LRRC7: variants seen among roughly 807,000 people sequenced by gnomAD.
LRRC7 encodes the protein leucine-rich repeat-containing protein 7.
In LRRC7, 23 loss-of-function variants were observed where a neutral mutation model predicts 175.7. The observed-to-expected ratio is 0.13, with a 90% CI of 0.09 to 0.19. LRRC7 has a LOEUF of 0.19. LRRC7 is among the 10% of genes least tolerant of loss of function. The pLI is 1.00. For missense variants in LRRC7, 1,354 were observed against 1,904.7 expected (o/e 0.71, Z 5.38); for synonymous variants, 685 against 680.9 (o/e 1.01, Z -0.09).
chr1:70,070,528 TTTATA>T (rs1662302522), intron 23 of LRRC7, among the ~76,000 whole-genome samples: 1 of 152,296 alleles, frequency 6.6e-6, no homozygotes, highest in South Asian at 2.1e-4. Context: ...CTTGGGCACT[TTTATA>T]TTATGTTATA....
At chr1:69,828,354 C>T (rs1469059929) in intron 5 of LRRC7, among the ~76,000 whole-genome samples, 1 of 152,136 alleles carries the variant, frequency 6.6e-6, no homozygotes, top group African/African-American at 2.4e-5. Flanking sequence ...TTCCAAATCA[C>T]TTTCCCAAAG....
intron 2 of LRRC7, among the ~76,000 whole-genome samples, chr1:69,679,333 C>T (rs1660186763): frequency 6.6e-6 from 1 of 151,990 alleles, no homozygotes; most frequent in Admixed American, 6.6e-5. Context: ...CTGAAGTATA[C>T]TGTTAAGTAG....
chr1:70,077,814 A>G (rs1194770870), intron 24 of LRRC7, among the ~76,000 whole-genome samples: 1 of 152,190 alleles, frequency 6.6e-6, no homozygotes, highest in African/African-American at 2.4e-5. Flanking sequence ...TTTCAGAAAA[A>G]ATGTATTTAT....
In LRRC7 at chr1:70,130,813, A is replaced by G. The variant is rs187372405; in HGVS notation, c.*8926A>G. ...GGAAGAATAAAAGATGTCATGAGAGAGACGAGGCTACGGAAGTGTAGTTGA... is the reference window on the plus strand; with the variant it reads ...GGAAGAATAAAAGATGTCATGAGAGGGACGAGGCTACGGAAGTGTAGTTGA... On this transcript the variant is annotated 3_prime_UTR_variant, in exon 27 of 27. Transcript: ENST00000651989. 6.6e-6 allele frequency among the ~76,000 whole-genome samples: 1 copy of G among 152,312 alleles called. No homozygotes were observed. The highest frequency in any genetic ancestry group is 1.5e-5 in the Non-Finnish European group (1 of 68,034).
intron 2 of LRRC7, among the ~76,000 whole-genome samples, chr1:69,713,513 G>A (rs1284004440): frequency 6.6e-6 from 1 of 151,788 alleles, no homozygotes; most frequent in East Asian, 1.9e-4. Context: ...AACAGAAAGA[G>A]CTTATTTTAC....
intron 4 of LRRC7, among the ~76,000 whole-genome samples, chr1:69,813,176 G>A (rs905872540): frequency 2.0e-5 from 3 of 151,984 alleles, no homozygotes; most frequent in Admixed American, 2.0e-4. Context: ...CTCTTTATAT[G>A]GTTCAAATTC....
chr1:69,752,145 T>C (rs1183254183), intron 2 of LRRC7, among the ~76,000 whole-genome samples: 1 of 152,154 alleles, frequency 6.6e-6, no homozygotes, highest in African/African-American at 2.4e-5. Flanking sequence ...ATGTATATTC[T>C]CTTGATAAAG....
At chr1:69,855,068 A>T (rs572286495) in intron 7 of LRRC7, among the ~76,000 whole-genome samples, 1 of 152,150 alleles carries the variant, frequency 6.6e-6, no homozygotes, top group Non-Finnish European at 1.5e-5. Context: ...TTTTCTTTAC[A>T]TGGTTGATGC....
At chr1:69,681,610 G>GT (rs1660501578) in intron 2 of LRRC7, among the ~76,000 whole-genome samples, 1 of 152,068 alleles carries the variant, frequency 6.6e-6, no homozygotes, top group South Asian at 2.1e-4. Context: ...TTTTAAACAT[G>GT]TTTAAGGTAT....
chr1:69,910,940 T>C (rs1480868388), intron 7 of LRRC7, among the ~76,000 whole-genome samples: 2 of 152,208 alleles, frequency 1.3e-5, no homozygotes. Flanking sequence ...GCCTTGCAGT[T>C]TGATCTCAGA....
intron 7 of LRRC7, among the ~76,000 whole-genome samples, chr1:69,921,913 C>T (rs963903384): frequency 6.6e-6 from 1 of 151,522 alleles, no homozygotes; most frequent in African/African-American, 2.4e-5. Flanking sequence ...TCAATTCTTA[C>T]ATTCATTCTG....
chr1:69,586,287 TA>T (rs1646400556), intron 1 of LRRC7, among the ~76,000 whole-genome samples: 1 of 152,216 alleles, frequency 6.6e-6, no homozygotes, highest in African/African-American at 2.4e-5. Context: ...TCTGTCAGAC[TA>T]ATCTTTGTAA....
At chr1:69,637,686 A>G (rs1306780929) in intron 1 of LRRC7, among the ~76,000 whole-genome samples, 2 of 151,958 alleles carry the variant, frequency 1.3e-5, no homozygotes, top group African/African-American at 4.8e-5. Context: ...ATTTGTAAGC[A>G]TCTATTCTGT....
At chr1:69,778,155 A>G (rs1673028353) in intron 3 of LRRC7, among the ~76,000 whole-genome samples, 1 of 152,118 alleles carries the variant, frequency 6.6e-6, no homozygotes, top group African/African-American at 2.4e-5. Context: ...TTCCTCCCAC[A>G]GCCTTCATTA....
intron 8 of LRRC7, among the ~76,000 whole-genome samples, chr1:69,961,011 G>T (rs530948756): frequency 2.6e-5 from 4 of 152,078 alleles, no homozygotes; most frequent in Non-Finnish European, 5.9e-5. Flanking sequence ...GAAATAAAGG[G>T]CATTCAAATA....
At chr1:70,079,642 C>T (rs1010763268) in intron 24 of LRRC7, among the ~76,000 whole-genome samples, 1 of 152,174 alleles carries the variant, frequency 6.6e-6, no homozygotes, top group Non-Finnish European at 1.5e-5. Context: ...AAGAAAGGGA[C>T]AGCAGTTACC....
intron 8 of LRRC7, among the ~76,000 whole-genome samples, chr1:69,957,162 A>T (rs1650580735): frequency 6.6e-6 from 1 of 151,830 alleles, no homozygotes; most frequent in African/African-American, 2.4e-5. Context: ...AGGCCAGGTG[A>T]TGACTCAGTT....
At chr1:69,650,639 A>G (rs1216458109) in intron 1 of LRRC7, among the ~76,000 whole-genome samples, 1 of 151,730 alleles carries the variant, frequency 6.6e-6, no homozygotes, top group Non-Finnish European at 1.5e-5. Context: ...ATTATAGGCT[A>G]TCTGTGAAGT....
intron 21 of LRRC7, among the ~76,000 whole-genome samples, chr1:70,041,339 G>A (rs1205088964): frequency 6.6e-6 from 1 of 152,176 alleles, no homozygotes; most frequent in Non-Finnish European, 1.5e-5. Context: ...ACTAATAAAT[G>A]TGGGTGTGGG....
Sources: allele counts gnomAD v4.1 joint callset (sites outside exome capture counted in the v4.1 genomes callset), GRCh38; gene constraint gnomAD v4.1.1; transcripts MANE v1.5; gene names NCBI Gene and HGNC (gene_info 2026-07-23, HGNC 2026-07-21).